The following CADPS2 variants were observed in gnomAD, a reference collection of about 807,000 sequenced individuals.
CADPS2 encodes calcium dependent secretion activator 2.
Under a neutral mutation model 172.5 loss-of-function variants are expected in CADPS2, and 93 were observed. The observed-to-expected ratio is 0.54, with a 90% CI of 0.46 to 0.64. CADPS2 has a LOEUF of 0.64. CADPS2 is among the 30% of genes least tolerant of loss of function. The pLI, the probability that CADPS2 is intolerant of heterozygous loss-of-function variation, is 0.00. For synonymous variants in CADPS2, 546 were observed against 555.2 expected (o/e 0.98, Z 0.23); for missense variants, 1,420 against 1,565.9 (o/e 0.91, Z 1.57).
At chr7:122,547,252 T>C (rs1054749900) in intron 8 of CADPS2, among the ~76,000 whole-genome samples, 18 of 152,280 alleles carry the variant, frequency 1.2e-4, no homozygotes, top group African/African-American at 4.3e-4. Flanking sequence ...CAAGCCTCCC[T>C]GCAGACAGTA....
chr7:122,813,941 T>C (rs1279837111), intron 1 of CADPS2, among the ~76,000 whole-genome samples: 8 of 152,126 alleles, frequency 5.3e-5, no homozygotes, highest in Middle Eastern at 3.4e-3. Context: ...TAAGGTAATA[T>C]TGACTATCCA....
chr7:122,651,260 G>GA (rs5887109), intron 3 of CADPS2, among the ~76,000 whole-genome samples: 25,625 of 143,500 alleles, frequency 0.18, 2,270 homozygotes, highest in Admixed American at 0.24. Context: ...CTACTAGTTG[G>GA]AAAAAAAAAA....
intron 2 of CADPS2, among the ~76,000 whole-genome samples, chr7:122,701,225 T>C (rs375427143): frequency 6.6e-6 from 1 of 152,242 alleles, no homozygotes; most frequent in South Asian, 2.1e-4. Flanking sequence ...ATTAAGAAAA[T>C]GTGGCACATA....
intron 16 of CADPS2, chr7:122,440,432 T>C (rs1210962353): frequency 6.6e-6 from 1 of 152,198 alleles, no homozygotes; most frequent in East Asian, 1.9e-4. Flanking sequence ...CTGAGTTATG[T>C]GCAGCTTTCA....
intron 6 of CADPS2, among the ~76,000 whole-genome samples, chr7:122,606,198 T>G (rs2073514207): frequency 6.6e-6 from 1 of 152,192 alleles, no homozygotes; most frequent in South Asian, 2.1e-4. Flanking sequence ...TTTTCCACTC[T>G]GGGACAAGAA....
intron 15 of CADPS2, among the ~76,000 whole-genome samples, chr7:122,449,399 T>C (rs1248030785): frequency 2.6e-5 from 4 of 152,122 alleles, no homozygotes; most frequent in Admixed American, 6.6e-5. Flanking sequence ...CACTGTAGCA[T>C]TGACTTCCCA....
intron 1 of CADPS2, among the ~76,000 whole-genome samples, chr7:122,821,003 T>C (rs1246220488): frequency 1.3e-5 from 2 of 152,000 alleles, no homozygotes; most frequent in Admixed American, 6.6e-5. Context: ...TTCTTCCTCA[T>C]ACCTGACGCA....
chr7:122,558,298 C>A lies in CADPS2; in HGVS notation c.1336-3609G>T, dbSNP rs73717681. ...CAGTCATAATAATTAAAATATTTAA[C>A]AGATATAAAAGCTTACTAAGGATCC... On this transcript the variant is annotated intron_variant, in intron 7 of 29. Transcript: ENST00000449022. Among the ~76,000 whole-genome samples the A allele has an allele frequency of 7.8e-3, 1,191 of 152,148 alleles. 16 individuals are homozygous for A. Among genetic ancestry groups the A allele is most frequent in the African/African-American group, 0.028 (1,151 of 41,528 alleles).
At chr7:122,425,088 GCAATCCTCC>G (rs1308514744) in intron 17 of CADPS2, among the ~76,000 whole-genome samples, 2 of 151,978 alleles carry the variant, frequency 1.3e-5, no homozygotes, top group African/African-American at 4.8e-5. Context: ...CCAGGCCCAA[GCAATCCTCC>G]CACCTCAGCC....
At chr7:122,621,749 C>A in intron 4 of CADPS2, 32 bp from the exon 5 acceptor site, 1 of 1,212,604 alleles carries the variant, frequency 8.2e-7, no homozygotes, top group Admixed American at 2.2e-5. Context: ...AATAGTGTTA[C>A]ATAAGTCATA....
chr7:122,371,360 T>A (rs1474819894), intron 25 of CADPS2, among the ~76,000 whole-genome samples: 1 of 151,930 alleles, frequency 6.6e-6, no homozygotes, highest in African/African-American at 2.4e-5. Flanking sequence ...AAACTTACAA[T>A]CATGGCGGAA....
chr7:122,431,048 T>C (rs2049845532), intron 17 of CADPS2, among the ~76,000 whole-genome samples: 1 of 152,322 alleles, frequency 6.6e-6, no homozygotes, highest in South Asian at 2.1e-4. Context: ...CCCCCACTTC[T>C]TCCTGCCGTG....
At chr7:122,538,840 A>AC (rs1314344147) in intron 8 of CADPS2, among the ~76,000 whole-genome samples, 2 of 152,180 alleles carry the variant, frequency 1.3e-5, no homozygotes, top group East Asian at 3.9e-4. Flanking sequence ...ACTATTTATA[A>AC]CGATGGGAGT....
At chr7:122,826,981 A>G (rs1306913632) in intron 1 of CADPS2, among the ~76,000 whole-genome samples, 2 of 152,280 alleles carry the variant, frequency 1.3e-5, no homozygotes, top group East Asian at 3.9e-4. Context: ...AAGGAAAATC[A>G]AACAAAAGCT....
chr7:122,504,354 TAGA>T (rs1281593525), intron 9 of CADPS2, among the ~76,000 whole-genome samples: 3 of 151,884 alleles, frequency 2.0e-5, no homozygotes, highest in African/African-American at 4.9e-5. Context: ...TTTTGAGTCT[TAGA>T]AGAATTGTTT....
intron 14 of CADPS2, among the ~76,000 whole-genome samples, chr7:122,457,138 C>T (rs1203423317): frequency 6.6e-6 from 1 of 152,020 alleles, no homozygotes; most frequent in Non-Finnish European, 1.5e-5. Context: ...AATTTAGTTT[C>T]TATAAAGGTA....
Position 122,581,301 on chromosome 7 carries a change from G to A in CADPS2, c.1224-11C>T, listed in dbSNP as rs374834556. The A allele has an allele frequency of 1.4e-4, 222 of 1,601,580 alleles. 2 individuals carry two copies. The highest frequency in any genetic ancestry group is 3.3e-4 in the Middle Eastern group (2 of 6,034). ...CCTTGAGTCCCCCATCTGTAATGAA[G>A]TAAAAAAAATGTTTCTTAAAATGCA... On this transcript the variant is annotated splice_polypyrimidine_tract_variant and intron_variant, in intron 6 of 29. Transcript: ENST00000449022.
chr7:122,855,563 A>T (rs973687529), intron 1 of CADPS2, among the ~76,000 whole-genome samples: 2 of 152,294 alleles, frequency 1.3e-5, no homozygotes, highest in East Asian at 3.9e-4. Context: ...TGTGGCTGGT[A>T]GGGGCAAAGT....
chr7:122,873,225 G>A (rs986898123), intron 1 of CADPS2, among the ~76,000 whole-genome samples: 6 of 152,114 alleles, frequency 3.9e-5, no homozygotes, highest in African/African-American at 1.4e-4. Context: ...TACATGTGCA[G>A]AATGTGCAGG....
Sources: gnomAD v4.1 joint callset for allele counts (sites outside exome capture counted in the v4.1 genomes callset) on GRCh38, gnomAD v4.1.1 for gene constraint, MANE v1.5 for transcripts, NCBI Gene and HGNC (gene_info 2026-07-23, HGNC 2026-07-21) for gene names.